Variants in RASEF observed in about 807,000 individuals in gnomAD.
RASEF encodes the protein RAS and EF-hand domain containing.
RASEF carries 68 observed loss-of-function variants against 90.1 expected under a neutral mutation model. That is an observed-to-expected ratio of 0.75 (90% confidence interval 0.62 to 0.92). The LOEUF is 0.92. RASEF is among the 40% of genes least tolerant of loss of function. RASEF has a pLI of 0.00. For synonymous variants in RASEF, 331 were observed against 345.2 expected (o/e 0.96, Z 0.46); for missense variants, 949 against 937.2 (o/e 1.01, Z -0.16).
intron 12 of RASEF, among the ~76,000 whole-genome samples, 167 bp downstream of exon 12, chr9:83,000,002 C>G (rs1270468251): frequency 7.0e-6 from 1 of 142,656 alleles, no homozygotes; most frequent in Non-Finnish European, 1.5e-5. Context: ...CACACACACA[C>G]ACACACACAC....
chr9:83,040,056 G>A (rs1829810259), intron 1 of RASEF, among the ~76,000 whole-genome samples: 1 of 152,084 alleles, frequency 6.6e-6, no homozygotes, highest in African/African-American at 2.4e-5. Context: ...GTTTTATAAA[G>A]GGCCGTTCCC....
At chr9:83,177,273 C>T in the RASEF span, among the ~76,000 whole-genome samples, 10 of 152,100 alleles carry the variant, frequency 6.6e-5, no homozygotes, top group Admixed American at 2.6e-4. Context: ...TGTGGTTTTT[C>T]GCAATTAAAA....
At chr9:83,195,749 G>C in the RASEF span, among the ~76,000 whole-genome samples, 1 of 152,062 alleles carries the variant, frequency 6.6e-6, no homozygotes, top group Non-Finnish European at 1.5e-5. Context: ...GGAGGACAGA[G>C]GTGGTAAGGG....
intron 2 of RASEF, 125 bp downstream of exon 2, chr9:83,025,650 A>T: frequency 1.1e-6 from 1 of 895,102 alleles, no homozygotes; most frequent in South Asian, 1.9e-5. Context: ...AAAGCTCTAG[A>T]CTCCTCAGGC....
At chr9:83,098,781 T>A in the RASEF span, among the ~76,000 whole-genome samples, 1 of 152,076 alleles carries the variant, frequency 6.6e-6, no homozygotes, top group African/African-American at 2.4e-5. Context: ...AACTATCAGA[T>A]CTTGTGAGTC....
chr9:83,101,572 C>T, the RASEF span, among the ~76,000 whole-genome samples: 8 of 152,030 alleles, frequency 5.3e-5, no homozygotes, highest in Non-Finnish European at 8.8e-5. Flanking sequence ...TATATAGTGC[C>T]GATAAGGTGA....
At chr9:83,153,907 T>G in the RASEF span, among the ~76,000 whole-genome samples, 3 of 152,222 alleles carry the variant, frequency 2.0e-5, no homozygotes, top group South Asian at 2.1e-4. Context: ...CCAGCCATGC[T>G]GAGTACCTGA....
At chr9:83,154,116 A>C in the RASEF span, among the ~76,000 whole-genome samples, 1 of 152,226 alleles carries the variant, frequency 6.6e-6, no homozygotes, top group Non-Finnish European at 1.5e-5. Context: ...GAGTAAATTA[A>C]GATAGCAGAC....
At chr9:83,117,015 A>AAGTAAGCAAC in the RASEF span, among the ~76,000 whole-genome samples, 1 of 152,208 alleles carries the variant, frequency 6.6e-6, no homozygotes, top group South Asian at 2.1e-4. Context: ...GCAACACAGT[A>AAGTAAGCAAC]TCAACTTACT....
intron 1 of RASEF, among the ~76,000 whole-genome samples, chr9:83,033,392 C>T (rs75062504): frequency 0.079 from 12,021 of 152,164 alleles, 641 homozygotes; most frequent in Non-Finnish European, 0.12. Context: ...CATGACCAGT[C>T]CTTGGGGTAT....
At chr9:83,170,396 G>A in the RASEF span, among the ~76,000 whole-genome samples, 8 of 151,750 alleles carry the variant, frequency 5.3e-5, no homozygotes, top group Admixed American at 3.9e-4. Flanking sequence ...AGATTGCTTT[G>A]ACCATTTGGG....
rs777177212 is a variant in RASEF, at chr9:83,062,417, C to T, written c.431+20G>A. ...CAGGAAGCGCCAGAATAACCTCCCG[C>T]CCCCAGCTCACACTCGCACCTGGGA... On this transcript the variant is annotated intron_variant, in intron 1 of 16. Coordinates refer to ENST00000376447, the MANE Select transcript of RASEF (RefSeq NM_152573.4). 2 of 1,610,320 alleles carry T rather than the reference C, an allele frequency of 1.2e-6. No individual in the cohort carries two copies. The highest frequency in any genetic ancestry group is 1.7e-6 in the Non-Finnish European group (2 of 1,177,936).
At chr9:83,206,235 G>A in the RASEF span, among the ~76,000 whole-genome samples, 11 of 151,986 alleles carry the variant, frequency 7.2e-5, no homozygotes, top group Non-Finnish European at 1.3e-4. Context: ...ATATTTTTTC[G>A]TTAAGATCTA....
intron 13 of RASEF, 143 bp downstream of exon 13, chr9:82,998,222 T>C (rs1215394520): frequency 1.9e-6 from 1 of 528,628 alleles, no homozygotes; most frequent in Non-Finnish European, 3.4e-6. Flanking sequence ...TTATAATACA[T>C]TTTATAATTA....
chr9:83,091,912 G>A, the RASEF span, among the ~76,000 whole-genome samples: 1 of 151,278 alleles, frequency 6.6e-6, no homozygotes, highest in Non-Finnish European at 1.5e-5. Flanking sequence ...AGGGAGATGG[G>A]ACTAGAGTAA....
the RASEF span, among the ~76,000 whole-genome samples, chr9:83,137,367 T>C: frequency 5.9e-5 from 9 of 152,138 alleles, no homozygotes; most frequent in Admixed American, 5.9e-4. Context: ...ATAGTAAGTA[T>C]GTAATAAAAA....
the RASEF span, among the ~76,000 whole-genome samples, chr9:83,085,548 T>C: frequency 1.3e-5 from 2 of 151,976 alleles, no homozygotes; most frequent in Non-Finnish European, 2.9e-5. Context: ...GATGGGAGGA[T>C]CACTTGAACC....
At chr9:83,137,018 T>C in the RASEF span, among the ~76,000 whole-genome samples, 11 of 152,250 alleles carry the variant, frequency 7.2e-5, no homozygotes, top group Middle Eastern at 6.8e-3. Context: ...TTGTCAGTTT[T>C]TATTATAATT....
intron 16 of RASEF, among the ~76,000 whole-genome samples, chr9:82,989,039 A>G (rs1266182122): frequency 6.6e-6 from 1 of 152,184 alleles, no homozygotes; most frequent in African/African-American, 2.4e-5. Context: ...AATACAGGGC[A>G]TCTGCCAACC....
Sources: allele counts gnomAD v4.1 joint callset (sites outside exome capture counted in the v4.1 genomes callset), GRCh38; gene constraint gnomAD v4.1.1; transcripts MANE v1.5; gene names NCBI Gene and HGNC (gene_info 2026-07-23, HGNC 2026-07-21).